Variants in PAXBP1 observed in about 807,000 individuals in gnomAD.
The protein encoded by PAXBP1 is PAX3- and PAX7-binding protein 1.
In PAXBP1, 44 loss-of-function variants were observed where a neutral mutation model predicts 119.9. That is an observed-to-expected ratio of 0.37 (90% CI 0.29 to 0.47). PAXBP1 has a LOEUF of 0.47. PAXBP1 is among the 20% of genes least tolerant of loss of function. The pLI is 0.99. For missense variants in PAXBP1, 898 were observed against 1,134.1 expected (o/e 0.79, Z 2.99); for synonymous variants, 393 against 406.6 (o/e 0.97, Z 0.40).
At chr21:32,735,716 C>A (rs1383925566) in intron 17 of PAXBP1, among the ~76,000 whole-genome samples, 1 of 152,200 alleles carries the variant, frequency 6.6e-6, no homozygotes. Flanking sequence ...CGAGAACTTG[C>A]AAGTCTATCA....
At chr21:32,771,263 CG>C in intron 1 of PAXBP1, 62 bp downstream of exon 1, 3 of 1,391,362 alleles carry the variant, frequency 2.2e-6, no homozygotes, top group East Asian at 2.9e-5. Flanking sequence ...AATACGGGGG[CG>C]GGGGACGGGG....
rs775440751 is a variant in PAXBP1, at chr21:32,755,174, G to T, written c.1507+56C>A. The T allele has an allele frequency of 2.2e-4, 338 of 1,522,338 alleles. 1 individual carries two copies. The highest frequency in any genetic ancestry group is 2.2e-4 in the East Asian group (9 of 41,508). The allele number at this position is 1,522,338 out of a possible 1,614,324, so 94.3% of individuals were successfully genotyped here. A position where few individuals can be genotyped will look rare whatever the true frequency, so the allele number is the denominator to read the frequency against. On this transcript the variant is annotated intron_variant, in intron 8 of 17. Transcript: ENST00000331923. ...AAGATCTCTAATTTTCAATTAGGCT[G>T]CACTAAGTAAACAAGGTTGTTTAAT...
intron 12 of PAXBP1, 93 bp downstream of exon 12, chr21:32,745,481 A>G (rs2043858361): frequency 5.9e-6 from 9 of 1,518,032 alleles, no homozygotes; most frequent in Middle Eastern, 3.5e-4. Flanking sequence ...TGTAATTTCT[A>G]TAAGGAAACA....
intron 3 of PAXBP1, 70 bp from the exon 4 acceptor site, chr21:32,762,387 G>A: frequency 6.6e-7 from 1 of 1,517,784 alleles, no homozygotes; most frequent in Non-Finnish European, 8.8e-7. Flanking sequence ...AAATATGAAG[G>A]GTAAAATAAT....
At chr21:32,753,425 CA>C (rs757858309) in intron 8 of PAXBP1, among the ~76,000 whole-genome samples, 10,126 of 90,782 alleles carry the variant, frequency 0.11, 190 homozygotes, top group South Asian at 0.18. Context: ...GACTCCGTCT[CA>C]AAAAAAAAAA....
intron 7 of PAXBP1, chr21:32,755,569 A>G: frequency 5.1e-6 from 2 of 394,322 alleles, no homozygotes; most frequent in Non-Finnish European, 8.8e-6. Context: ...TCCAGTGCCT[A>G]GTTATTGGAG....
chr21:32,743,414 A>G, intron 14 of PAXBP1, 100 bp from the exon 15 acceptor site: 1 of 836,336 alleles, frequency 1.2e-6, no homozygotes, highest in Non-Finnish European at 1.8e-6. Flanking sequence ...AGGTAAACAA[A>G]ATAAATTTTT....
chr21:32,770,578 G>A (rs2044321617), intron 1 of PAXBP1, among the ~76,000 whole-genome samples: 1 of 152,020 alleles, frequency 6.6e-6, no homozygotes, highest in Admixed American at 6.5e-5. Context: ...TTCTTTTTTC[G>A]TAACATGGAA....
intron 3 of PAXBP1, among the ~76,000 whole-genome samples, chr21:32,763,994 C>CAAAAAAAAA (rs5843566): frequency 2.9e-5 from 3 of 101,726 alleles, no homozygotes; most frequent in African/African-American, 7.0e-5. Flanking sequence ...CCTCAAAAAG[C>CAAAAAAAAA]AAAAAAAAAA....
chr21:32,764,282 C>T (rs970901772), intron 3 of PAXBP1, 66 bp downstream of exon 3: 17 of 1,466,732 alleles, frequency 1.2e-5, no homozygotes, highest in Non-Finnish European at 1.3e-5. Flanking sequence ...TCTTAATAAT[C>T]ATCTTTAAAG....
rs1569166126 is a variant in PAXBP1 at position 32,762,091 on chromosome 21, G to A, written c.871+5C>T. ...TAGGCTTACTATTCAATTAAATCAA[G>A]TTACCTATTTCCTCAGCAATTTTTT... On this transcript the variant is annotated splice_donor_5th_base_variant and intron_variant, in intron 4 of 17. Coordinates refer to ENST00000331923, the MANE Select transcript of PAXBP1 (RefSeq NM_016631.4). 4 of 1,613,890 alleles carry A rather than the reference G, an allele frequency of 2.5e-6. 1 individual carries two copies. Among genetic ancestry groups the A allele is most frequent in the Middle Eastern group, 1.7e-4 (1 of 6,060 alleles).
intron 7 of PAXBP1, among the ~76,000 whole-genome samples, chr21:32,757,030 C>T (rs1424947437): frequency 2.0e-5 from 3 of 151,810 alleles, no homozygotes; most frequent in Non-Finnish European, 4.4e-5. Flanking sequence ...TATTTTAGGG[C>T]CAAAGTTAAG....
rs1409372587 is a variant in PAXBP1 at position 32,759,149 on chromosome 21, A to G, written c.1314T>C (p.Gly438=). The G allele has an allele frequency of 6.2e-7, 1 of 1,614,044 alleles. No homozygotes were observed. The highest frequency in any genetic ancestry group is 1.7e-5 in the Admixed American group (1 of 60,018). The part of the protein sequence containing the change: ...ERLEGSSGGI[G]ERYKFLQEMR... ...TTTCTTGCAAAAATTTATACCGTTC[A>G]CCAATACCCCCAGAAGACCCTTCTA... The change falls in exon 7 of 18, where the codon GGT becomes GGC. Residue 438 remains glycine, a synonymous_variant. Coordinates refer to ENST00000331923, the MANE Select transcript of PAXBP1 (RefSeq NM_016631.4).
chr21:32,758,001 T>TA (rs1430433136), intron 7 of PAXBP1, among the ~76,000 whole-genome samples: 2 of 152,186 alleles, frequency 1.3e-5, no homozygotes, highest in African/African-American at 4.8e-5. Context: ...AACCAGGTGA[T>TA]AAAGACAAAA....
At chr21:32,746,934 A>G (rs1420449286) in intron 11 of PAXBP1, among the ~76,000 whole-genome samples, 3 of 152,198 alleles carry the variant, frequency 2.0e-5, no homozygotes, top group Admixed American at 2.0e-4. Flanking sequence ...TGTCCTTTGC[A>G]GGGACATGGA....
At chr21:32,760,446 T>C (rs1308819502) in intron 5 of PAXBP1, among the ~76,000 whole-genome samples, 1 of 152,240 alleles carries the variant, frequency 6.6e-6, no homozygotes, top group Admixed American at 6.5e-5. Context: ...TTTACGTTTA[T>C]GCAATTTTTC....
At chr21:32,765,838 T>C (rs1217670509) in intron 2 of PAXBP1, among the ~76,000 whole-genome samples, 1 of 152,186 alleles carries the variant, frequency 6.6e-6, no homozygotes, top group Non-Finnish European at 1.5e-5. Flanking sequence ...ACCTATTTCC[T>C]TTTGCTCTAA....
intron 8 of PAXBP1, among the ~76,000 whole-genome samples, chr21:32,754,547 CAA>C (rs1180626617): frequency 2.0e-5 from 3 of 152,178 alleles, no homozygotes; most frequent in African/African-American, 7.2e-5. Flanking sequence ...AACTATTTAA[CAA>C]GAGGTTTCTA....
intron 14 of PAXBP1, 147 bp from the exon 15 acceptor site, chr21:32,743,461 T>G: frequency 1.4e-6 from 1 of 704,030 alleles, no homozygotes; most frequent in East Asian, 2.8e-5. Context: ...AGATAGTATG[T>G]TAAAAAGGCA....
Sources: gnomAD v4.1 joint callset for allele counts (sites outside exome capture counted in the v4.1 genomes callset) on GRCh38, gnomAD v4.1.1 for gene constraint, MANE v1.5 for transcripts, NCBI Gene and HGNC (gene_info 2026-07-23, HGNC 2026-07-21) for gene names.